The following ANKRD42 variants were observed in gnomAD, a reference collection of about 807,000 sequenced individuals.
ANKRD42 encodes ankyrin repeat domain-containing protein 42.
ANKRD42 carries 43 observed loss-of-function variants against 51.5 expected under a neutral mutation model. That is an observed-to-expected ratio of 0.83 (90% CI 0.65 to 1.08). ANKRD42 has a LOEUF of 1.08. Ranked by LOEUF, ANKRD42 falls within the 50% of genes least tolerant of loss-of-function variation. The probability of loss-of-function intolerance (pLI) is 0.00; values close to 1 mark genes in which losing one functional copy is unlikely to be tolerated. For synonymous variants in ANKRD42, 203 were observed against 213.0 expected, an observed-to-expected ratio of 0.95 and a Z score of 0.41; for missense variants, 608 against 629.3, an observed-to-expected ratio of 0.97 and a Z score of 0.36.
rs1470263622 is a variant in ANKRD42, at chr11:83,206,166, GTAA to G, written c.330+7_330+9del. ...CAGGGGTCAGGATGCTTGTGTACAG[GTAA>G]TAATATTACTTTTTTCAGTAAGTTC... On this transcript the variant is annotated splice_donor_variant and splice_donor_region_variant and intron_variant, in intron 3 of 10. Coordinates refer to ENST00000533342, the MANE Select transcript of ANKRD42 (RefSeq NM_001300975.2). LOFTEE classifies it high-confidence loss of function. 4 of 1,604,512 alleles carry G rather than the reference GTAA, an allele frequency of 2.5e-6. No individual in the cohort carries two copies. Among genetic ancestry groups the G allele is most frequent in the Non-Finnish European group, 3.4e-6 (4 of 1,172,810 alleles).
At chr11:83,249,484 G>T (rs1329100303), downstream of ANKRD42, among the ~76,000 whole-genome samples, 1 of 152,120 alleles carries the variant, frequency 6.6e-6, no homozygotes, top group Non-Finnish European at 1.5e-5. Flanking sequence ...CTTTTGGGGT[G>T]GTCACGCAAG....
chr11:83,207,360 G>T (rs1862117248), intron 3 of ANKRD42, among the ~76,000 whole-genome samples: 1 of 152,220 alleles, frequency 6.6e-6, no homozygotes, highest in African/African-American at 2.4e-5. Flanking sequence ...GAGATTGTTT[G>T]AAGGGACAGG....
downstream of ANKRD42, among the ~76,000 whole-genome samples, chr11:83,251,098 T>C (rs1863667374): frequency 1.3e-5 from 2 of 152,198 alleles, no homozygotes; most frequent in African/African-American, 2.4e-5. Context: ...TTCTCCTATA[T>C]ATATATTAAT....
At chr11:83,200,707 G>T (rs61289956) in intron 2 of ANKRD42, among the ~76,000 whole-genome samples, 8,893 of 151,932 alleles carry the variant, frequency 0.059, 861 homozygotes, top group African/African-American at 0.2. Flanking sequence ...TTATTTTTTT[G>T]TGTGTGTGGT....
chr11:83,206,241 A>G (rs1862068704), intron 3 of ANKRD42, 76 bp downstream of exon 3: 1 of 1,182,048 alleles, frequency 8.5e-7, no homozygotes, highest in Non-Finnish European at 1.2e-6. Flanking sequence ...TATTCTAATT[A>G]TTTGACTCAA....
downstream of ANKRD42, chr11:83,259,481 T>A (rs1022711587): frequency 2.0e-5 from 3 of 152,242 alleles, no homozygotes; most frequent in African/African-American, 7.2e-5. Flanking sequence ...ATCTATTTAA[T>A]ATTTAGTGGC....
At chr11:83,220,662 C>T (rs1165057250) in intron 5 of ANKRD42, among the ~76,000 whole-genome samples, 1 of 152,136 alleles carries the variant, frequency 6.6e-6, no homozygotes, top group Non-Finnish European at 1.5e-5. Flanking sequence ...TCTTGGATGG[C>T]AGGGTTTTGT....
At chr11:83,243,742 A>G (rs568925187) in intron 9 of ANKRD42, among the ~76,000 whole-genome samples, 1 of 146,360 alleles carries the variant, frequency 6.8e-6, no homozygotes, top group African/African-American at 2.5e-5. Flanking sequence ...GCTCACTGCA[A>G]GCTCCGCCTC....
intron 5 of ANKRD42, chr11:83,213,162 C>A: frequency 6.2e-7 from 1 of 1,601,828 alleles, no homozygotes; most frequent in East Asian, 2.2e-5. Flanking sequence ...AAGGACCAAT[C>A]TTGATGCCCA....
chr11:83,257,254 T>G (rs1279464885), downstream of ANKRD42: 6 of 453,214 alleles, frequency 1.3e-5, no homozygotes, highest in South Asian at 9.4e-5. Context: ...GTGGGAAGTC[T>G]GGGGTATGGT....
chr11:83,236,823 C>G (rs1470277909), intron 8 of ANKRD42, among the ~76,000 whole-genome samples: 1 of 152,182 alleles, frequency 6.6e-6, no homozygotes, highest in African/African-American at 2.4e-5. Flanking sequence ...GCTAAATGTT[C>G]TGCAGTGCTC....
chr11:83,235,702 G>A (rs1042000235), intron 7 of ANKRD42, among the ~76,000 whole-genome samples: 1 of 152,178 alleles, frequency 6.6e-6, no homozygotes, highest in African/African-American at 2.4e-5. Flanking sequence ...GCTTCCTTGA[G>A]TTTCAAGATG....
Position 83,216,993 on chromosome 11 carries a change from C to T in ANKRD42, c.586+5563C>T, listed in dbSNP as rs144372747. ...GTCCTCCAGAGGGGATCTTTTTAGG[C>T]CAGTCGGAGACCAACAGGTCAATCT... On this transcript the variant is annotated intron_variant, in intron 5 of 10. Coordinates refer to ENST00000533342, the MANE Select transcript of ANKRD42 (RefSeq NM_001300975.2). Among the ~76,000 whole-genome samples, 646 of 146,408 alleles carry T rather than the reference C, an allele frequency of 4.4e-3. 4 individuals are homozygous for T. Among genetic ancestry groups the T allele is most frequent in the African/African-American group, 0.015 (612 of 39,938 alleles).
In ANKRD42 at chr11:83,255,382, A is replaced by G. The variant is rs545511337; in HGVS notation, c.1465-463A>G. ...GTGCAAAATGAGACTAGAGCAGTAGAGGGATGCAGTACAAAAACAAAAGAG... is the reference window on the plus strand; with the variant it reads ...GTGCAAAATGAGACTAGAGCAGTAGGGGGATGCAGTACAAAAACAAAAGAG... On this transcript the variant is annotated intron_variant, in intron 11 of 11. Transcript: ENST00000260047. 1.5e-4 allele frequency among the ~76,000 whole-genome samples: 23 copies of G among 152,306 alleles called. 1 individual carries two copies. Among genetic ancestry groups the G allele is most frequent in the African/African-American group, 4.8e-4 (20 of 41,566 alleles).
In ANKRD42 at chr11:83,197,283, A is replaced by G. The variant is rs540973311; in HGVS notation, c.59-1196A>G. ...TTTCATTATGTATTTATCCAAATAGATTTTAATGTGTTGGCGGAAAAAAAA... is the reference window on the plus strand; with the variant it reads ...TTTCATTATGTATTTATCCAAATAGGTTTTAATGTGTTGGCGGAAAAAAAA... On this transcript the variant is annotated intron_variant, in intron 1 of 10. Coordinates refer to ENST00000533342, the MANE Select transcript of ANKRD42 (RefSeq NM_001300975.2). 2.6e-5 allele frequency among the ~76,000 whole-genome samples: 4 copies of G among 152,292 alleles called. No homozygotes were observed. The East Asian group carries it at 7.7e-4, about 29-fold the overall frequency.
At position 83,248,676 on chromosome 11, in the gene ANKRD42, CA is replaced by C; in HGVS notation, c.*475del. On this transcript the variant is annotated 3_prime_UTR_variant, in exon 11 of 11. Transcript: ENST00000533342. ...CTTCCTGGCTTCTTTTTATTTTGCA[CA>C]AACTAGTCATTGGTCTCTTTAATAA... The C allele has an allele frequency of 1.0e-6, 1 of 980,930 alleles. No individual in the cohort carries two copies. Among genetic ancestry groups the C allele is most frequent in the Non-Finnish European group, 1.2e-6 (1 of 825,964 alleles). The allele number at this position is 980,930 out of a possible 1,614,324, so 60.8% of individuals were successfully genotyped here. A position where few individuals can be genotyped will look rare whatever the true frequency, so the allele number is the denominator to read the frequency against.
intron 9 of ANKRD42, among the ~76,000 whole-genome samples, chr11:83,244,531 A>G (rs1863485888): frequency 6.6e-6 from 1 of 152,186 alleles, no homozygotes. Flanking sequence ...TGTTGAGGCA[A>G]GCTTTTCTGT....
At chr11:83,261,983 C>T, downstream of ANKRD42, 1 of 1,554,518 alleles carries the variant, frequency 6.4e-7, no homozygotes, top group Non-Finnish European at 8.8e-7. Flanking sequence ...AAAGAAGAAA[C>T]TGTGTTATAG....
At chr11:83,257,353 A>G (rs1863791949), downstream of ANKRD42, 1 of 453,796 alleles carries the variant, frequency 2.2e-6, no homozygotes, top group Non-Finnish European at 4.4e-6. Flanking sequence ...GAGAGTCATA[A>G]TTCTTTGCTA....
Sources: gnomAD v4.1 joint callset for allele counts (sites outside exome capture counted in the v4.1 genomes callset) on GRCh38, gnomAD v4.1.1 for gene constraint, MANE v1.5 for transcripts, NCBI Gene and HGNC (gene_info 2026-07-23, HGNC 2026-07-21) for gene names.